Variants in BBS12 observed in about 807,000 individuals in gnomAD.
BBS12 encodes the protein chaperonin-containing T-complex member BBS12.
Under a neutral mutation model 5.6 loss-of-function variants are expected in BBS12, and 5 were observed. The observed-to-expected ratio is 0.89, with a 90% confidence interval of 0.46 to 1.86. The LOEUF (loss-of-function observed/expected upper bound fraction) is 1.86. BBS12 is among the 40% of genes most tolerant of loss of function. The pLI, the probability that BBS12 is intolerant of heterozygous loss-of-function variation, is 0.01. For synonymous variants in BBS12, 308 were observed against 306.8 expected (o/e 1.00, Z -0.04); for missense variants, 748 against 830.4 (o/e 0.90, Z 1.22).
the BBS12 span, among the ~76,000 whole-genome samples, chr4:122,717,491 A>C: frequency 1.3e-5 from 2 of 152,158 alleles, no homozygotes; most frequent in Non-Finnish European, 2.9e-5. Context: ...TTTCCCAAAC[A>C]ACCACAAAAA....
chr4:122,716,693 ATGTGTGTG>A, the BBS12 span, among the ~76,000 whole-genome samples: 6 of 74,110 alleles, frequency 8.1e-5, no homozygotes, highest in African/African-American at 2.8e-4. Flanking sequence ...ACATATGTGT[ATGTGTGTG>A]TATACATACA....
In BBS12 at chr4:122,743,802, T is replaced by G. The variant is rs1177246173; in HGVS notation, c.1910T>G (p.Leu637Trp). Reference protein sequence around the residue: ...TDSGSPSSYILNEYSKLNSRI... With the variant: ...TDSGSPSSYIWNEYSKLNSRI... ...TCTGGCTCTCCTTCATCTTACATCT[T>G]GAATGAATATAGTAAACTAAATAGT... is the stretch of plus-strand genomic sequence containing the variant. The change falls in exon 2 of 2, where the codon TTG becomes TGG. Residue 637 changes from leucine (L) to tryptophan (W), a missense_variant. Coordinates refer to ENST00000314218, the MANE Select transcript of BBS12 (RefSeq NM_152618.3). 1.9e-6 allele frequency: 3 copies of G among 1,613,310 alleles called. No homozygotes were observed. Among genetic ancestry groups the G allele is most frequent in the South Asian group, 2.2e-5 (2 of 90,832 alleles).
At chr4:122,718,105 T>C in the BBS12 span, among the ~76,000 whole-genome samples, 1 of 152,178 alleles carries the variant, frequency 6.6e-6, no homozygotes. Context: ...AGAAAATCCA[T>C]GTAGAGGAGG....
At chr4:122,740,893 T>C (rs1219721690) in intron 1 of BBS12, among the ~76,000 whole-genome samples, 11 of 152,218 alleles carry the variant, frequency 7.2e-5, no homozygotes, top group Non-Finnish European at 1.5e-4. Flanking sequence ...TCTATTATTA[T>C]CCCTGTTTTT....
the BBS12 span, among the ~76,000 whole-genome samples, chr4:122,707,250 C>T: frequency 1.3e-5 from 2 of 151,388 alleles, no homozygotes; most frequent in Non-Finnish European, 2.9e-5. Context: ...AAAGCAATTT[C>T]CCTCCACAGT....
the BBS12 span, among the ~76,000 whole-genome samples, chr4:122,708,340 G>A: frequency 6.6e-6 from 1 of 152,038 alleles, no homozygotes; most frequent in Admixed American, 6.6e-5. Context: ...CACTTCATGA[G>A]CTCTCCTATG....
the BBS12 span, among the ~76,000 whole-genome samples, chr4:122,709,320 C>G: frequency 4.3e-4 from 66 of 152,066 alleles, no homozygotes; most frequent in African/African-American, 1.6e-3. Flanking sequence ...CTCAGTGTTT[C>G]TAAAAAATTA....
chr4:122,710,250 T>C, the BBS12 span, among the ~76,000 whole-genome samples: 2 of 152,220 alleles, frequency 1.3e-5, no homozygotes, highest in African/African-American at 4.8e-5. Context: ...AAAAAAATCT[T>C]ATTTGACCTT....
intron 1 of BBS12, among the ~76,000 whole-genome samples, chr4:122,739,212 ATAAG>A (rs1042336149): frequency 6.6e-6 from 1 of 152,212 alleles, no homozygotes; most frequent in African/African-American, 2.4e-5. Flanking sequence ...GAAAGAATAA[ATAAG>A]TATTGTTTTA....
intron 1 of BBS12, among the ~76,000 whole-genome samples, chr4:122,738,113 A>G (rs544162931): frequency 4.6e-5 from 7 of 152,270 alleles, no homozygotes; most frequent in Non-Finnish European, 1.0e-4. Context: ...TGGATTTGGC[A>G]ATGGATTTTT....
chr4:122,737,014 C>G (rs309363), intron 1 of BBS12, among the ~76,000 whole-genome samples: 41,110 of 151,936 alleles, frequency 0.27, 6,766 homozygotes, highest in African/African-American at 0.45. Context: ...CATTAGTTTT[C>G]TTTAAATAAT....
chr4:122,733,918 C>T (rs933738494), intron 1 of BBS12: 1 of 109,476 alleles, frequency 9.1e-6, no homozygotes, highest in Non-Finnish European at 1.7e-5. Flanking sequence ...GAGAGGAAAA[C>T]AAGTGCAAAG....
At chr4:122,726,721 C>G in the BBS12 span, among the ~76,000 whole-genome samples, 1 of 152,098 alleles carries the variant, frequency 6.6e-6, no homozygotes, top group African/African-American at 2.4e-5. Flanking sequence ...CATCAATCAA[C>G]AAGTAGATAA....
chr4:122,740,286 A>G (rs1217108129), intron 1 of BBS12, among the ~76,000 whole-genome samples: 1 of 152,148 alleles, frequency 6.6e-6, no homozygotes, highest in Non-Finnish European at 1.5e-5. Context: ...AATAAAAAGA[A>G]TGCTAATCAT....
chr4:122,741,870 A>G lies in BBS12; in HGVS notation c.-10-13A>G, dbSNP rs1216506831. 6.2e-7 allele frequency: 1 copy of G among 1,606,718 alleles called. No individual in the cohort carries two copies. The highest frequency in any genetic ancestry group is 2.2e-5 in the East Asian group (1 of 44,836). ...ATACTGAATAAAGTTACAAGTTTTTATTTTGTTTGCAGATCATGATACATG... is the reference window on the plus strand; with the variant it reads ...ATACTGAATAAAGTTACAAGTTTTTGTTTTGTTTGCAGATCATGATACATG... On this transcript the variant is annotated splice_polypyrimidine_tract_variant and intron_variant, in intron 1 of 1. Transcript: ENST00000314218.
rs1424639890 is a variant in BBS12, at chr4:122,742,291, T to C, written c.399T>C (p.Pro133=). The C allele has an allele frequency of 6.2e-7, 1 of 1,613,954 alleles. No individual in the cohort carries two copies. Among genetic ancestry groups the C allele is most frequent in the East Asian group, 2.2e-5 (1 of 44,874 alleles). ...AAGAGGTAGTTTCTCTTCATGTACCTGTTCACAATATATTTGACTGTATGG... is the reference window on the plus strand; with the variant it reads ...AAGAGGTAGTTTCTCTTCATGTACCCGTTCACAATATATTTGACTGTATGG... The part of the protein sequence containing the change: ...CSEEVVSLHV[P]VHNIFDCMDS... The change falls in exon 2 of 2, where the codon CCT becomes CCC. Residue 133 remains proline, a synonymous_variant. Transcript: ENST00000314218.
chr4:122,700,599 G>A, the BBS12 span, among the ~76,000 whole-genome samples: 1 of 152,216 alleles, frequency 6.6e-6, no homozygotes, highest in Non-Finnish European at 1.5e-5. Flanking sequence ...ATAACTCGTT[G>A]TGTGTGTGGG....
chr4:122,724,877 C>T, the BBS12 span, among the ~76,000 whole-genome samples: 1 of 152,158 alleles, frequency 6.6e-6, no homozygotes, highest in Admixed American at 6.5e-5. Flanking sequence ...CCAAAACTTA[C>T]AAAACTTTCC....
the BBS12 span, among the ~76,000 whole-genome samples, chr4:122,706,855 A>C: frequency 6.6e-6 from 1 of 152,214 alleles, no homozygotes; most frequent in African/African-American, 2.4e-5. Flanking sequence ...AAAATTCCAT[A>C]AACGTGCATT....
Sources: gnomAD v4.1 joint callset for allele counts (sites outside exome capture counted in the v4.1 genomes callset) on GRCh38, gnomAD v4.1.1 for gene constraint, MANE v1.5 for transcripts, NCBI Gene and HGNC (gene_info 2026-07-23, HGNC 2026-07-21) for gene names.